NDFIP1: variants seen among roughly 807,000 people sequenced by gnomAD.
NDFIP1 encodes Nedd4 family interacting protein 1.
A neutral mutation model predicts 28.8 loss-of-function variants in NDFIP1; 7 were observed. The observed-to-expected ratio is 0.24, with a 90% CI of 0.14 to 0.46. The LOEUF is 0.46. NDFIP1 is among the 20% of genes least tolerant of loss of function. The pLI, the probability that NDFIP1 is intolerant of heterozygous loss-of-function variation, is 0.99. For synonymous variants in NDFIP1, 92 were observed against 101.0 expected (o/e 0.91, Z 0.53); for missense variants, 194 against 269.1 (o/e 0.72, Z 1.95).
chr5:142,111,810 T>C (rs1320795772), intron 1 of NDFIP1, among the ~76,000 whole-genome samples: 1 of 152,206 alleles, frequency 6.6e-6, no homozygotes, highest in East Asian at 1.9e-4. Context: ...CTCACACCTG[T>C]AATCACAGCA....
chr5:142,110,145 G>A (rs1008783915), intron 1 of NDFIP1, among the ~76,000 whole-genome samples: 36 of 152,286 alleles, frequency 2.4e-4, no homozygotes, highest in African/African-American at 8.7e-4. Flanking sequence ...CATCAGCCAT[G>A]TGTTGCAATC....
intron 1 of NDFIP1, among the ~76,000 whole-genome samples, chr5:142,117,247 C>CTT (rs11346871): frequency 7.4e-6 from 1 of 134,390 alleles, no homozygotes; most frequent in Admixed American, 7.3e-5. Context: ...TCTTTTTTTG[C>CTT]TTTTTTTTTT....
intron 3 of NDFIP1, among the ~76,000 whole-genome samples, chr5:142,134,383 A>G (rs1757254142): frequency 6.6e-6 from 1 of 152,210 alleles, no homozygotes; most frequent in South Asian, 2.1e-4. Context: ...ATTTTGGCAA[A>G]ACCTTATTCT....
rs1453041497 is a variant in NDFIP1 at position 142,154,030 on chromosome 5, G to A, written c.*2302G>A. The A allele has an allele frequency of 6.6e-6, 1 of 152,460 alleles. No individual in the cohort carries two copies. The highest frequency in any genetic ancestry group is 1.5e-5 in the Non-Finnish European group (1 of 68,114). 9.4% of individuals were successfully genotyped at this position (152,460 alleles called of 1,614,324 possible). A position where few individuals can be genotyped will look rare whatever the true frequency, so the allele number is the denominator to read the frequency against. On this transcript the variant is annotated 3_prime_UTR_variant, in exon 8 of 8. Transcript: ENST00000253814. Reference sequence around the variant, plus strand: ...AAAATTAAAATCTTTTGAGGCACATGAAGTGGGCACCATATATCATCTAGA... The same window carrying A: ...AAAATTAAAATCTTTTGAGGCACATAAAGTGGGCACCATATATCATCTAGA...
Position 142,154,333 on chromosome 5 carries a change from G to T in NDFIP1, c.*2605G>T, listed in dbSNP as rs1757477360. 1 of 151,732 alleles carries T rather than the reference G, an allele frequency of 6.6e-6. No individual in the cohort carries two copies. Among genetic ancestry groups the T allele is most frequent in the African/African-American group, 2.4e-5 (1 of 41,238 alleles). 9.4% of individuals were successfully genotyped at this position (151,732 alleles called of 1,614,324 possible). On this transcript the variant is annotated 3_prime_UTR_variant, in exon 8 of 8. Coordinates refer to ENST00000253814, the MANE Select transcript of NDFIP1 (RefSeq NM_030571.4). ...ACTTCTTGTTGCCATTTGAAACTCT[G>T]TACTCTTATGTTTAAAGGGTTCTGT...
At chr5:142,122,602 C>G (rs1180971762) in intron 1 of NDFIP1, among the ~76,000 whole-genome samples, 1 of 152,134 alleles carries the variant, frequency 6.6e-6, no homozygotes, top group East Asian at 1.9e-4. Flanking sequence ...GGTTTATACT[C>G]CCATCAGTAG....
chr5:142,145,912 A>G (rs1757383818), intron 7 of NDFIP1, among the ~76,000 whole-genome samples: 1 of 152,190 alleles, frequency 6.6e-6, no homozygotes, highest in Admixed American at 6.5e-5. Context: ...TGAGGTTCTC[A>G]ATTTTGAAGA....
intron 1 of NDFIP1, among the ~76,000 whole-genome samples, chr5:142,119,141 A>G (rs984400844): frequency 6.6e-6 from 1 of 152,216 alleles, no homozygotes; most frequent in African/African-American, 2.4e-5. Flanking sequence ...TAAGCTAAAC[A>G]TAAGTTCATA....
Position 142,153,654 on chromosome 5 carries a change from T to G in NDFIP1, c.*1926T>G, listed in dbSNP as rs561630788. On this transcript the variant is annotated 3_prime_UTR_variant, in exon 8 of 8. Transcript: ENST00000253814. ...ATCAGATTATAGCAACAATGGAGTT[T>G]GGAAGTTTGTATGGCCTATAATGTT... 1 of 297,190 alleles carries G rather than the reference T, an allele frequency of 3.4e-6. No homozygotes were observed. 18.4% of individuals were successfully genotyped at this position (297,190 alleles called of 1,614,324 possible). A position where few individuals can be genotyped will look rare whatever the true frequency, so the allele number is the denominator to read the frequency against.
chr5:142,135,692 C>T, intron 3 of NDFIP1, 38 bp from the exon 4 acceptor site: 1 of 1,562,434 alleles, frequency 6.4e-7, no homozygotes, highest in Non-Finnish European at 8.8e-7. Context: ...TTTATGTCTT[C>T]CCTTTGCCTA....
At chr5:142,117,853 A>G (rs570816881) in intron 1 of NDFIP1, among the ~76,000 whole-genome samples, 34 of 151,000 alleles carry the variant, frequency 2.3e-4, no homozygotes, top group African/African-American at 7.8e-4. Flanking sequence ...TTGGCTTTAA[A>G]TGTTTTTTAA....
At chr5:142,117,094 T>C (rs1011002794) in intron 1 of NDFIP1, among the ~76,000 whole-genome samples, 1 of 152,164 alleles carries the variant, frequency 6.6e-6, no homozygotes, top group African/African-American at 2.4e-5. Context: ...TCTTTTAAAT[T>C]AGTTTATCTC....
chr5:142,130,257 G>C (rs950724973), intron 1 of NDFIP1, among the ~76,000 whole-genome samples: 2 of 152,160 alleles, frequency 1.3e-5, no homozygotes, highest in African/African-American at 4.8e-5. Context: ...ATTCTATGAA[G>C]ATGACTTGTG....
rs79376167 is a variant in NDFIP1 at position 142,152,814 on chromosome 5, A to T, written c.*1086A>T. On this transcript the variant is annotated 3_prime_UTR_variant, in exon 8 of 8. Transcript: ENST00000253814. ...ATTAGTGCTTAATTTCTTGGCTTGC[A>T]TTTGTTGATTGCTAAGGCAATTTTT... 1 of 164,434 alleles carries T rather than the reference A, an allele frequency of 6.1e-6. No homozygotes were observed. Among genetic ancestry groups the T allele is most frequent in the African/African-American group, 2.4e-5 (1 of 41,498 alleles). 10.2% of individuals were successfully genotyped at this position (164,434 alleles called of 1,614,324 possible). A position where few individuals can be genotyped will look rare whatever the true frequency, so the allele number is the denominator to read the frequency against.
At chr5:142,110,591 T>C (rs1208135828) in intron 1 of NDFIP1, among the ~76,000 whole-genome samples, 9 of 152,140 alleles carry the variant, frequency 5.9e-5, no homozygotes, top group African/African-American at 2.2e-4. Flanking sequence ...TTTTTAATTA[T>C]GCAGAATTGA....
chr5:142,152,654 G>A lies in NDFIP1; in HGVS notation c.*926G>A, dbSNP rs1229412143. The A allele has an allele frequency of 6.5e-6, 1 of 154,784 alleles. No individual in the cohort carries two copies. The highest frequency in any genetic ancestry group is 1.4e-5 in the Non-Finnish European group (1 of 69,560). The allele number at this position is 154,784 out of a possible 1,614,324, so 9.6% of individuals were successfully genotyped here. A position where few individuals can be genotyped will look rare whatever the true frequency, so the allele number is the denominator to read the frequency against. On this transcript the variant is annotated 3_prime_UTR_variant, in exon 8 of 8. Transcript: ENST00000253814. Reference sequence around the variant, plus strand: ...TACTACTTGCTTTTACAATGTGTTAGCAGAAACCAGTGGGTTATAATGTAG... The same window carrying A: ...TACTACTTGCTTTTACAATGTGTTAACAGAAACCAGTGGGTTATAATGTAG...
At chr5:142,134,925 C>G (rs79505571) in intron 3 of NDFIP1, among the ~76,000 whole-genome samples, 2 of 151,880 alleles carry the variant, frequency 1.3e-5, no homozygotes, top group Admixed American at 6.6e-5. Flanking sequence ...CATGTATGAT[C>G]GTACTATTCT....
Position 142,137,731 on chromosome 5 carries a change from C to T in NDFIP1, c.371-3C>T. On this transcript the variant is annotated splice_polypyrimidine_tract_variant and splice_region_variant and intron_variant, in intron 4 of 7. Coordinates refer to ENST00000253814, the MANE Select transcript of NDFIP1 (RefSeq NM_030571.4). ...ACATCTTTCCCCTCCTCTGCTTTTG[C>T]AGTGGCATTCCTCTTTAACTGGATT... 6.2e-7 allele frequency: 1 copy of T among 1,613,760 alleles called. No homozygotes were observed. Among genetic ancestry groups the T allele is most frequent in the Non-Finnish European group, 8.5e-7 (1 of 1,179,812 alleles).
At chr5:142,141,374 T>C (rs1043111525) in intron 6 of NDFIP1, among the ~76,000 whole-genome samples, 10 of 151,660 alleles carry the variant, frequency 6.6e-5, no homozygotes, top group East Asian at 3.9e-4. Context: ...GACGGGGTTT[T>C]ACCGTGTTGG....
Sources: gnomAD v4.1 joint callset for allele counts (sites outside exome capture counted in the v4.1 genomes callset) on GRCh38, gnomAD v4.1.1 for gene constraint, MANE v1.5 for transcripts, NCBI Gene and HGNC (gene_info 2026-07-23, HGNC 2026-07-21) for gene names.